Variants in EBF3 observed in about 807,000 individuals in gnomAD.
EBF3 encodes EBF transcription factor 3.
Under a neutral mutation model 77.1 loss-of-function variants are expected in EBF3, and 18 were observed. The observed-to-expected ratio is 0.23, with a 90% CI of 0.16 to 0.35. The LOEUF is 0.35. Ranked by LOEUF, EBF3 falls within the 10% of genes least tolerant of loss-of-function variation. EBF3 has a pLI of 1.00. For missense variants in EBF3, 558 were observed against 860.0 expected, an observed-to-expected ratio of 0.65 and a Z score of 4.39; for synonymous variants, 350 against 343.5, an observed-to-expected ratio of 1.02 and a Z score of -0.21.
At chr10:129,904,588 A>G (rs1855004659) in intron 6 of EBF3, among the ~76,000 whole-genome samples, 2 of 151,944 alleles carry the variant, frequency 1.3e-5, no homozygotes, top group Admixed American at 6.6e-5. Flanking sequence ...GGATGGATGG[A>G]CAAATGGATG....
chr10:129,926,500 A>C (rs953519213), intron 6 of EBF3, among the ~76,000 whole-genome samples: 12 of 152,066 alleles, frequency 7.9e-5, no homozygotes, highest in Non-Finnish European at 1.5e-4. Flanking sequence ...CGGTGCATGG[A>C]CCACTCAGCC....
intron 6 of EBF3, among the ~76,000 whole-genome samples, chr10:129,923,304 T>C (rs958412034): frequency 1.3e-5 from 2 of 152,204 alleles, no homozygotes; most frequent in Non-Finnish European, 2.9e-5. Context: ...GGGGATGATG[T>C]AGACACTCAG....
chr10:129,870,319 C>T lies in EBF3; in HGVS notation c.782-2407G>A, dbSNP rs1852319409. On this transcript the variant is annotated intron_variant, in intron 8 of 16. Transcript: ENST00000440978. The surrounding 1 kb of genome is among the most constrained non-coding windows in gnomAD (Gnocchi z 4.4). ...GATCTAATGATATACGCGCACAATA[C>T]ACTCAAGCAGATGACAGGAGCTGGG... Among the ~76,000 whole-genome samples the T allele has an allele frequency of 1.3e-5, 2 of 152,066 alleles. No individual in the cohort carries two copies. Among genetic ancestry groups the T allele is most frequent in the South Asian group, 4.1e-4 (2 of 4,828 alleles).
In EBF3 at chr10:129,837,843, T is replaced by TCCATCAGCATGTCTTAA. The variant is rs1849704126; in HGVS notation, c.*83_*99dup. ...TGCTGATTTTTTTGAAGATACTGTT[T>TCCATCAGCATGTCTTAA]CCATCAGCATGTCTTAATATACTAA... On this transcript the variant is annotated 3_prime_UTR_variant, in exon 17 of 17. Coordinates refer to ENST00000440978, the MANE Select transcript of EBF3 (RefSeq NM_001375380.1). 2 of 1,500,258 alleles carry TCCATCAGCATGTCTTAA rather than the reference T, an allele frequency of 1.3e-6. No individual in the cohort carries two copies. The highest frequency in any genetic ancestry group is 3.5e-5 in the Admixed American group (2 of 56,572). 92.9% of individuals were successfully genotyped at this position (1,500,258 alleles called of 1,614,324 possible). A position where few individuals can be genotyped will look rare whatever the true frequency, so the allele number is the denominator to read the frequency against.
rs1850098159 is a variant in EBF3, at chr10:129,842,015, A to ACATT, written c.1372+97_1372+100dup. 3 of 1,478,920 alleles carry ACATT rather than the reference A, an allele frequency of 2.0e-6. No individual in the cohort carries two copies. Among genetic ancestry groups the ACATT allele is most frequent in the Non-Finnish European group, 1.9e-6 (2 of 1,074,714 alleles). 91.6% of individuals were successfully genotyped at this position (1,478,920 alleles called of 1,614,324 possible). The stretch of plus-strand genomic sequence containing the variant: ...AGCCAGAGAGAACAGAACGCTACGG[A>ACATT]CATTCCCCAGCTGGCCCTGGACACG... On this transcript the variant is annotated intron_variant, in intron 13 of 16. Coordinates refer to ENST00000440978, the MANE Select transcript of EBF3 (RefSeq NM_001375380.1). The surrounding 1 kb of genome is among the most constrained non-coding windows in gnomAD (Gnocchi z 4.4).
Position 129,958,920 on chromosome 10 carries a change from C to A in EBF3, c.485+14G>T. ...GGCAGCCCGCGCCCCCGCCGCCCGCCGCCCGCCGCTCACCTGCACATGATC... is the reference window on the plus strand; with the variant it reads ...GGCAGCCCGCGCCCCCGCCGCCCGCAGCCCGCCGCTCACCTGCACATGATC... On this transcript the variant is annotated intron_variant, in intron 5 of 16. Coordinates refer to ENST00000440978, the MANE Select transcript of EBF3 (RefSeq NM_001375380.1). The A allele has an allele frequency of 6.3e-7, 1 of 1,584,804 alleles. No homozygotes were observed. The highest frequency in any genetic ancestry group is 1.8e-5 in the Admixed American group (1 of 56,976).
chr10:129,930,115 G>C (rs913387908), intron 6 of EBF3, among the ~76,000 whole-genome samples: 2 of 152,136 alleles, frequency 1.3e-5, no homozygotes, highest in African/African-American at 4.8e-5. Flanking sequence ...TTGCACTCTG[G>C]GATTCACACC....
intron 6 of EBF3, among the ~76,000 whole-genome samples, chr10:129,926,447 A>C (rs1199978198): frequency 6.6e-6 from 1 of 152,162 alleles, no homozygotes; most frequent in African/African-American, 2.4e-5. Context: ...TGGAGCTGGC[A>C]CCACACACAC....
At chr10:129,852,934 G>A in intron 10 of EBF3, among the ~76,000 whole-genome samples, 1 of 152,218 alleles carries the variant, frequency 6.6e-6, no homozygotes, top group East Asian at 1.9e-4. Flanking sequence ...GGGAACTGCT[G>A]CAAGGGACTC....
In EBF3 at chr10:129,848,778, T is replaced by C. The variant is rs1276114746; in HGVS notation, c.1040-298A>G. Among the ~76,000 whole-genome samples the C allele has an allele frequency of 6.6e-6, 1 of 152,216 alleles. No individual in the cohort carries two copies. The highest frequency in any genetic ancestry group is 2.1e-4 in the South Asian group (1 of 4,830). On this transcript the variant is annotated intron_variant, in intron 10 of 16. Coordinates refer to ENST00000440978, the MANE Select transcript of EBF3 (RefSeq NM_001375380.1). This position sits in a 1 kb window ranked among gnomAD's most constrained non-coding sequence, Gnocchi z 4.4. ...CAGGTCTTGGGGCCATATGTAGCAA[T>C]CACCACCATCACGATGTGATGTCTG...
chr10:129,950,334 G>A (rs1243870524), intron 6 of EBF3, among the ~76,000 whole-genome samples: 1 of 152,170 alleles, frequency 6.6e-6, no homozygotes, highest in Non-Finnish European at 1.5e-5. Flanking sequence ...CATGAATTTT[G>A]AGTATTTTCT....
intron 6 of EBF3, among the ~76,000 whole-genome samples, chr10:129,906,547 G>A (rs984634432): frequency 6.6e-6 from 1 of 152,172 alleles, no homozygotes; most frequent in Non-Finnish European, 1.5e-5. Flanking sequence ...GTGAGTCTAG[G>A]GAGAGGACAG....
At chr10:129,917,477 T>C (rs376406352) in intron 6 of EBF3, among the ~76,000 whole-genome samples, 6 of 150,740 alleles carry the variant, frequency 4.0e-5, no homozygotes, top group African/African-American at 1.5e-4. Flanking sequence ...ACTAGGAAAA[T>C]AAAAAACAAC....
At chr10:129,915,774 G>A (rs971892927) in intron 6 of EBF3, among the ~76,000 whole-genome samples, 6 of 152,248 alleles carry the variant, frequency 3.9e-5, no homozygotes, top group South Asian at 2.1e-4. Context: ...TGCTTTTTCC[G>A]TTTTGTCTAG....
intron 11 of EBF3, among the ~76,000 whole-genome samples, chr10:129,844,685 G>A (rs1850330954): frequency 6.6e-6 from 1 of 152,002 alleles, no homozygotes. Flanking sequence ...GAAAGTTCCC[G>A]GATGGGTGGC....
intron 6 of EBF3, among the ~76,000 whole-genome samples, chr10:129,911,828 C>T (rs1855544890): frequency 2.0e-5 from 3 of 152,224 alleles, no homozygotes; most frequent in Admixed American, 2.0e-4. Context: ...TGCCCTCTCA[C>T]CCACAGGGAG....
Position 129,841,055 on chromosome 10 carries a change from CA to C in EBF3, c.1373-24del. On this transcript the variant is annotated intron_variant, in intron 13 of 16. Transcript: ENST00000440978. The surrounding 1 kb of genome is among the most constrained non-coding windows in gnomAD (Gnocchi z 4.6). ...CGACTGTTGAAATCCCCCCCCCGGCCAAAAATAACATTATTATCAGCGACAG... is the reference window on the plus strand; with the variant it reads ...CGACTGTTGAAATCCCCCCCCCGGCCAAAATAACATTATTATCAGCGACAG... The C allele has an allele frequency of 7.2e-7, 1 of 1,394,124 alleles. No homozygotes were observed. The highest frequency in any genetic ancestry group is 1.0e-6 in the Non-Finnish European group (1 of 986,994). The allele number at this position is 1,394,124 out of a possible 1,614,324, so 86.4% of individuals were successfully genotyped here.
At chr10:129,874,391 G>A (rs1852613653) in intron 7 of EBF3, among the ~76,000 whole-genome samples, 1 of 152,138 alleles carries the variant, frequency 6.6e-6, no homozygotes, top group African/African-American at 2.4e-5. Flanking sequence ...AAACGAAAAG[G>A]GCCAGGCAGG....
rs753278687 is a variant in EBF3 at position 129,844,184 on chromosome 10, G to A, written c.1129-982C>T. 7.9e-5 allele frequency among the ~76,000 whole-genome samples: 12 copies of A among 152,236 alleles called. No homozygotes were observed. The South Asian group carries it at 1.2e-3, about 16-fold the overall frequency. On this transcript the variant is annotated intron_variant, in intron 11 of 16. Transcript: ENST00000440978. ...TGGCTGGAGCACAGTGGCCTCCTGCGGACCCCAGGCCCGGTCTAGGAGAGC... is the reference window on the plus strand; with the variant it reads ...TGGCTGGAGCACAGTGGCCTCCTGCAGACCCCAGGCCCGGTCTAGGAGAGC...
Sources: allele counts gnomAD v4.1 joint callset (sites outside exome capture counted in the v4.1 genomes callset), GRCh38; gene constraint gnomAD v4.1.1; non-coding constraint Gnocchi (gnomAD v3.1); transcripts MANE v1.5; gene names NCBI Gene and HGNC (gene_info 2026-07-23, HGNC 2026-07-21).